Variants in EEFSEC observed in about 807,000 individuals in gnomAD.
EEFSEC encodes the protein eukaryotic elongation factor, selenocysteine-tRNA specific.
Under a neutral mutation model 42.1 loss-of-function variants are expected in EEFSEC, and 43 were observed. The observed-to-expected ratio is 1.02, with a 90% CI of 0.80 to 1.32. The LOEUF is 1.32. Ranked by LOEUF, EEFSEC falls within the 40% of genes most tolerant of loss-of-function variation. The probability of loss-of-function intolerance (pLI) is 0.00; values close to 1 mark genes in which losing one functional copy is unlikely to be tolerated. For synonymous variants in EEFSEC, 354 were observed against 339.1 expected, an observed-to-expected ratio of 1.04 and a Z score of -0.48; for missense variants, 745 against 803.6, an observed-to-expected ratio of 0.93 and a Z score of 0.88.
Position 128,267,293 on chromosome 3 carries a change from T to C in EEFSEC, c.786+2512T>C, listed in dbSNP as rs185613005. ...CTCTTTGTCCTTATAAAGGTGGAACTTGCCTATCAGGATGCCAGTTACTGA... is the reference window on the plus strand; with the variant it reads ...CTCTTTGTCCTTATAAAGGTGGAACCTGCCTATCAGGATGCCAGTTACTGA... On this transcript the variant is annotated intron_variant, in intron 4 of 6. Coordinates refer to ENST00000254730, the MANE Select transcript of EEFSEC (RefSeq NM_021937.5). Among the ~76,000 whole-genome samples the C allele has an allele frequency of 3.9e-5, 6 of 152,330 alleles. No homozygotes were observed. The East Asian group carries it at 1.2e-3, about 29-fold the overall frequency.
At chr3:128,381,206 A>G (rs925516731) in intron 6 of EEFSEC, among the ~76,000 whole-genome samples, 3 of 151,982 alleles carry the variant, frequency 2.0e-5, no homozygotes, top group Non-Finnish European at 4.4e-5. Flanking sequence ...GGAGTCAGAC[A>G]CCCTTGGGTT....
intron 6 of EEFSEC, 47 bp downstream of exon 6, chr3:128,358,420 CAG>C (rs1195554797): frequency 1.2e-6 from 2 of 1,600,932 alleles, no homozygotes; most frequent in Non-Finnish European, 1.7e-6. Flanking sequence ...GTGCAGGGCA[CAG>C]AGAGATGGCA....
chr3:128,264,566 C>G (rs1229056092), intron 3 of EEFSEC, 51 bp from the exon 4 acceptor site: 2 of 1,592,060 alleles, frequency 1.3e-6, no homozygotes, highest in Non-Finnish European at 1.7e-6. Context: ...TCTGCCCTGC[C>G]CCATCTGGCT....
intron 4 of EEFSEC, among the ~76,000 whole-genome samples, chr3:128,313,639 G>A (rs2066913871): frequency 6.6e-6 from 1 of 152,222 alleles, no homozygotes; most frequent in African/African-American, 2.4e-5. Flanking sequence ...CAGGCTCTTG[G>A]CATCTCCATT....
chr3:128,418,607 A>C, the EEFSEC span, among the ~76,000 whole-genome samples: 9 of 102,234 alleles, frequency 8.8e-5, no homozygotes, highest in African/African-American at 1.5e-4. Context: ...CCCTGCCCCC[A>C]CTCTGCCCAG....
At chr3:128,329,356 A>C (rs1403741986) in intron 4 of EEFSEC, among the ~76,000 whole-genome samples, 1 of 152,160 alleles carries the variant, frequency 6.6e-6, no homozygotes, top group Non-Finnish European at 1.5e-5. Flanking sequence ...AGTGTGACGG[A>C]CGTTCCTGAG....
At chr3:128,192,108 T>C (rs895067135) in intron 1 of EEFSEC, among the ~76,000 whole-genome samples, 1 of 152,216 alleles carries the variant, frequency 6.6e-6, no homozygotes, top group Non-Finnish European at 1.5e-5. Flanking sequence ...GGCATTGTGA[T>C]GGAGTAGAAA....
At chr3:128,155,349 G>A (rs549409860) in intron 1 of EEFSEC, among the ~76,000 whole-genome samples, 1 of 152,232 alleles carries the variant, frequency 6.6e-6, no homozygotes, top group South Asian at 2.1e-4. Flanking sequence ...TCGACCTCGT[G>A]ATCCCCATGC....
intron 1 of EEFSEC, among the ~76,000 whole-genome samples, chr3:128,240,429 T>G (rs1267256892): frequency 6.6e-6 from 1 of 152,208 alleles, no homozygotes; most frequent in Non-Finnish European, 1.5e-5. Flanking sequence ...CTTGGGGACC[T>G]CCAAGCCCTG....
chr3:128,184,533 T>C (rs745509524), intron 1 of EEFSEC, among the ~76,000 whole-genome samples: 2 of 152,222 alleles, frequency 1.3e-5, no homozygotes, highest in Non-Finnish European at 2.9e-5. Context: ...TATTCCTTTG[T>C]ATATATATTT....
chr3:128,169,945 A>C (rs1466664919), intron 1 of EEFSEC, among the ~76,000 whole-genome samples: 3 of 152,108 alleles, frequency 2.0e-5, no homozygotes. Context: ...GGCTGAAGGC[A>C]ATGCATGGCG....
chr3:128,301,386 A>G (rs779477762), intron 4 of EEFSEC, among the ~76,000 whole-genome samples: 27 of 152,278 alleles, frequency 1.8e-4, no homozygotes, highest in Non-Finnish European at 2.8e-4. Context: ...GATCATGCCT[A>G]GGCTGTGAAC....
At chr3:128,179,133 AC>A (rs2065379809) in intron 1 of EEFSEC, among the ~76,000 whole-genome samples, 1 of 151,994 alleles carries the variant, frequency 6.6e-6, no homozygotes, top group African/African-American at 2.4e-5. Flanking sequence ...AGCCGTTGAT[AC>A]TCTTTTAAAT....
At chr3:128,269,945 G>A (rs1178299871) in intron 4 of EEFSEC, among the ~76,000 whole-genome samples, 1 of 152,218 alleles carries the variant, frequency 6.6e-6, no homozygotes, top group Non-Finnish European at 1.5e-5. Flanking sequence ...TGAAGCCACA[G>A]ACCATGGGGA....
intron 6 of EEFSEC, among the ~76,000 whole-genome samples, chr3:128,384,698 G>A (rs879730958): frequency 1.7e-4 from 26 of 152,194 alleles, no homozygotes; most frequent in Non-Finnish European, 2.5e-4. Context: ...TCAAGAACTC[G>A]TTGAGGGACC....
At chr3:128,187,093 T>A (rs1053340355) in intron 1 of EEFSEC, among the ~76,000 whole-genome samples, 1 of 152,234 alleles carries the variant, frequency 6.6e-6, no homozygotes, top group Admixed American at 6.5e-5. Context: ...GAATATGAGA[T>A]GTTGGAGATC....
At chr3:128,287,678 G>A (rs965832076) in intron 4 of EEFSEC, among the ~76,000 whole-genome samples, 6 of 152,158 alleles carry the variant, frequency 3.9e-5, no homozygotes, top group African/African-American at 1.4e-4. Flanking sequence ...GTAAGAATAG[G>A]GTTCCCCTTG....
At chr3:128,158,336 G>C (rs1944414935) in intron 1 of EEFSEC, among the ~76,000 whole-genome samples, 1 of 152,248 alleles carries the variant, frequency 6.6e-6, no homozygotes, top group Non-Finnish European at 1.5e-5. Context: ...TGATAAAGCA[G>C]TGGCAAGATT....
intron 1 of EEFSEC, among the ~76,000 whole-genome samples, chr3:128,227,933 C>G (rs139253610): frequency 4.5e-4 from 69 of 152,324 alleles, no homozygotes; most frequent in South Asian, 1.2e-3. Flanking sequence ...TTGATTTTCT[C>G]TTGGCACAGC....
Sources: gnomAD v4.1 joint callset for allele counts (sites outside exome capture counted in the v4.1 genomes callset) on GRCh38, gnomAD v4.1.1 for gene constraint, MANE v1.5 for transcripts, NCBI Gene and HGNC (gene_info 2026-07-23, HGNC 2026-07-21) for gene names.